SPTAN1: variants seen among roughly 807,000 people sequenced by gnomAD.
SPTAN1 encodes the protein spectrin alpha chain, non-erythrocytic 1.
SPTAN1 carries 61 observed loss-of-function variants against 331.3 expected under a neutral mutation model. The ratio of observed to expected loss-of-function variants is 0.18; its 90% CI spans 0.15 to 0.23. The LOEUF (loss-of-function observed/expected upper bound fraction) is 0.23. SPTAN1 is among the 10% of genes least tolerant of loss of function. The probability of loss-of-function intolerance (pLI) is 1.00; values close to 1 mark genes in which losing one functional copy is unlikely to be tolerated. For synonymous variants in SPTAN1, 1,153 were observed against 1,173.9 expected, an observed-to-expected ratio of 0.98 and a Z score of 0.36; for missense variants, 2,043 against 3,147.9, an observed-to-expected ratio of 0.65 and a Z score of 8.40.
At chr9:128,557,627 AC>A (rs1178674897) in intron 1 of SPTAN1, among the ~76,000 whole-genome samples, 1 of 151,656 alleles carries the variant, frequency 6.6e-6, no homozygotes, top group Non-Finnish European at 1.5e-5. Context: ...TTCCCCAAAT[AC>A]CAAGAACTGC....
At chr9:128,606,509 C>T (rs1278560957) in intron 31 of SPTAN1, among the ~76,000 whole-genome samples, 9 of 103,968 alleles carry the variant, frequency 8.7e-5, no homozygotes, top group African/African-American at 3.0e-4. Flanking sequence ...GGGGGGGAAG[C>T]GTTTCGCTTT....
rs769380398 is a variant in SPTAN1, at chr9:128,584,459, C to T, written c.2371C>T (p.Arg791Trp). 2 of 1,613,926 alleles carry T rather than the reference C, an allele frequency of 1.2e-6. No individual in the cohort carries two copies. The highest frequency in any genetic ancestry group is 1.7e-6 in the Non-Finnish European group (2 of 1,179,988). The stretch of plus-strand genomic sequence containing the variant: ...TTCTCTGCGGTTGCAGCAGCTCTTC[C>T]GGGATGTTGAGGATGAGGAGACGTG... Reference protein sequence around the residue: ...ADSLRLQQLFRDVEDEETWIR... With the variant: ...ADSLRLQQLFWDVEDEETWIR... The change falls in exon 17 of 57, where the codon CGG (arginine) becomes TGG (tryptophan). Residue 791 changes from arginine (R) to tryptophan (W), a missense_variant. Around this residue, in one of 12 missense-constraint regions of SPTAN1, gnomAD observed 1,038 missense variants for 1,531.5 expected, o/e 0.68. Transcript: ENST00000372739.
chr9:128,606,393 C>G (rs144279732), intron 31 of SPTAN1, among the ~76,000 whole-genome samples: 2 of 55,546 alleles, frequency 3.6e-5, no homozygotes, highest in Non-Finnish European at 8.6e-5. Flanking sequence ...AAAAAAAAAA[C>G]AAGTCTCTAC....
chr9:128,631,329 G>T (rs569030288), intron 52 of SPTAN1: 3 of 152,176 alleles, frequency 2.0e-5, no homozygotes, highest in Non-Finnish European at 4.4e-5. Context: ...TGTGGTGGCA[G>T]GCACCTGTAA....
intron 26 of SPTAN1, chr9:128,599,825 T>G (rs1854845026): frequency 1.8e-6 from 1 of 541,782 alleles, no homozygotes; most frequent in Admixed American, 3.3e-5. Flanking sequence ...TCTTATTAAA[T>G]TTCTTTATTC....
intron 41 of SPTAN1, among the ~76,000 whole-genome samples, chr9:128,616,976 G>A (rs747798323): frequency 4.0e-4 from 61 of 152,100 alleles, no homozygotes; most frequent in Non-Finnish European, 5.9e-4. Flanking sequence ...GGTGGCTCAC[G>A]CCTATAATCC....
intron 45 of SPTAN1, among the ~76,000 whole-genome samples, chr9:128,623,003 G>A (rs1358627654): frequency 1.3e-5 from 2 of 151,492 alleles, no homozygotes; most frequent in African/African-American, 2.4e-5. Context: ...CGCCTGCCTC[G>A]GCCTCCCAAA....
chr9:128,578,103 T>C lies in SPTAN1; in HGVS notation c.1086-7T>C, dbSNP rs1382809916. 12 of 1,614,022 alleles carry C rather than the reference T, an allele frequency of 7.4e-6. No homozygotes were observed. The highest frequency in any genetic ancestry group is 9.3e-6 in the Non-Finnish European group (11 of 1,180,008). On this transcript the variant is annotated splice_polypyrimidine_tract_variant and splice_region_variant and intron_variant, in intron 8 of 56. Transcript: ENST00000372739. ...GAAACATAATGTCTTCCTTTGGTTT[T>C]CCCTAGGCTTCAACGCTTCCTTGCT... is the stretch of plus-strand genomic sequence containing the variant.
intron 42 of SPTAN1, 34 bp downstream of exon 42, chr9:128,617,794 G>A (rs1368876832): frequency 3.7e-6 from 6 of 1,611,562 alleles, no homozygotes; most frequent in Admixed American, 3.3e-5. Flanking sequence ...AGAGGGCAGA[G>A]GTGTTTGAGT....
chr9:128,618,824 A>T (rs759166749), intron 43 of SPTAN1, 47 bp from the exon 44 acceptor site: 1 of 1,613,996 alleles, frequency 6.2e-7, no homozygotes, highest in South Asian at 1.1e-5. Flanking sequence ...TCACAATCAA[A>T]GCTGGAGGAG....
intron 31 of SPTAN1, among the ~76,000 whole-genome samples, chr9:128,606,197 C>T (rs1310938325): frequency 1.3e-5 from 2 of 150,760 alleles, no homozygotes; most frequent in Non-Finnish European, 3.0e-5. Context: ...TGGTGAAACC[C>T]CATCTCTACT....
At chr9:128,597,690 C>T (rs1854494129) in intron 24 of SPTAN1, among the ~76,000 whole-genome samples, 1 of 152,056 alleles carries the variant, frequency 6.6e-6, no homozygotes, top group Admixed American at 6.6e-5. Flanking sequence ...GCTCTGTTGC[C>T]CAGGATGGAG....
In SPTAN1 at chr9:128,577,497, A is replaced by C; in HGVS notation, c.1076A>C (p.Asp359Ala). 1 of 1,613,820 alleles carries C rather than the reference A, an allele frequency of 6.2e-7. No individual in the cohort carries two copies. Among genetic ancestry groups the C allele is most frequent in the Non-Finnish European group, 8.5e-7 (1 of 1,180,036 alleles). ...GCAGAGAGACATGCACGGCTCAATG[A>C]TTCATACAGGTGCAAATAATGCTCC... ...LAAERHARLN[D>A]SYRLQRFLAD... is the part of the protein sequence containing the mutation. The change falls in exon 8 of 57, where the codon GAT (aspartate) becomes GCT (alanine). Residue 359 changes from aspartate to alanine, a missense_variant. By Grantham distance (126) the Asp-to-Ala change is moderately radical. Transcript: ENST00000372739. This position sits in a 1 kb window ranked among gnomAD's most constrained non-coding sequence, Gnocchi z 4.2.
chr9:128,572,272 C>CAGGT, intron 3 of SPTAN1, among the ~76,000 whole-genome samples: 1 of 152,316 alleles, frequency 6.6e-6, no homozygotes, highest in East Asian at 1.9e-4. Flanking sequence ...ACTGAGAAAT[C>CAGGT]CACCTGAGTC....
At chr9:128,631,296 A>G (rs1465910393) in intron 52 of SPTAN1, 1 of 152,202 alleles carries the variant, frequency 6.6e-6, no homozygotes, top group Non-Finnish European at 1.5e-5. Flanking sequence ...CATCTCTACT[A>G]AAAATACAAA....
rs776441600 is a variant in SPTAN1, at chr9:128,593,010, T to C, written c.3183T>C (p.Ser1061=). 9.3e-6 allele frequency: 15 copies of C among 1,610,392 alleles called. No homozygotes were observed. The highest frequency in any genetic ancestry group is 6.7e-5 in the East Asian group (3 of 44,838). Residue 1061 remains serine, a synonymous_variant, in exon 23 of 57, where the codon AGT becomes AGC. Transcript: ENST00000372739. ...CACGCATAACTAAGGAGGCCGGCAGTGTATCTCTGCGTATGAAGCAGGTGG... is the reference window on the plus strand; with the variant it reads ...CACGCATAACTAAGGAGGCCGGCAGCGTATCTCTGCGTATGAAGCAGGTGG... ...NQTRITKEAG[S]VSLRMKQVEE... is the part of the protein sequence containing the mutation.
At chr9:128,562,141 T>G (rs1302793705) in intron 1 of SPTAN1, among the ~76,000 whole-genome samples, 4 of 152,168 alleles carry the variant, frequency 2.6e-5, no homozygotes, top group African/African-American at 9.7e-5. Context: ...TTTTATTTTT[T>G]TGACAGGCTG....
rs572012067 is a variant in SPTAN1 at position 128,616,488 on chromosome 9, C to T, written c.5357+648C>T. Among the ~76,000 whole-genome samples the T allele has an allele frequency of 5.4e-5, 8 of 149,326 alleles. No homozygotes were observed. The East Asian group carries it at 6.4e-4, about 12-fold the overall frequency. ...TTTGTTCTTAAAAGACGTTTGTGGC[C>T]GGGCGCAGTGGCTCACGCCTGTGAT... On this transcript the variant is annotated intron_variant, in intron 41 of 56. Coordinates refer to ENST00000372739, the MANE Select transcript of SPTAN1 (RefSeq NM_001130438.3).
chr9:128,574,873 C>T (rs1851127184), intron 4 of SPTAN1, 58 bp downstream of exon 4: 2 of 1,610,826 alleles, frequency 1.2e-6, no homozygotes, highest in African/African-American at 2.7e-5. Context: ...GAAGAGACTC[C>T]TCTGTGATCT....
Sources: allele counts gnomAD v4.1 joint callset (sites outside exome capture counted in the v4.1 genomes callset), GRCh38; gene constraint gnomAD v4.1.1; regional missense constraint gnomAD v4.1.1; non-coding constraint Gnocchi (gnomAD v3.1); transcripts MANE v1.5; gene names NCBI Gene and HGNC (gene_info 2026-07-23, HGNC 2026-07-21).